NRG1: variants seen among roughly 807,000 people sequenced by gnomAD.
NRG1 encodes neuregulin 1.
NRG1 carries 18 observed loss-of-function variants against 63.8 expected under a neutral mutation model. The ratio of observed to expected loss-of-function variants is 0.28; its 90% CI spans 0.19 to 0.42. NRG1 has a LOEUF of 0.42. Ranked by LOEUF, NRG1 falls within the 10% of genes least tolerant of loss-of-function variation. The probability of loss-of-function intolerance (pLI) is 1.00; values close to 1 mark genes in which losing one functional copy is unlikely to be tolerated. For missense variants in NRG1, 762 were observed against 814.7 expected, an observed-to-expected ratio of 0.94 and a Z score of 0.79; for synonymous variants, 302 against 301.3, an observed-to-expected ratio of 1.00 and a Z score of -0.02.
At chr8:31,948,337 G>A (rs1476640572) in intron 1 of NRG1, among the ~76,000 whole-genome samples, 1 of 152,170 alleles carries the variant, frequency 6.6e-6, no homozygotes, top group African/African-American at 2.4e-5. Context: ...AAAATGGATA[G>A]GGGAGTTGTG....
At chr8:32,253,173 T>C (rs1586406430) in intron 1 of NRG1, among the ~76,000 whole-genome samples, 1 of 152,340 alleles carries the variant, frequency 6.6e-6, no homozygotes, top group East Asian at 1.9e-4. Flanking sequence ...TTTTCCAATT[T>C]GAATATACTT....
intron 1 of NRG1, among the ~76,000 whole-genome samples, chr8:32,465,003 C>T (rs1822877175): frequency 6.6e-6 from 1 of 152,012 alleles, no homozygotes; most frequent in Non-Finnish European, 1.5e-5. Context: ...GGTGAAAACC[C>T]GTCTCTACTA....
At chr8:31,767,132 T>A (rs1478381099) in intron 1 of NRG1, among the ~76,000 whole-genome samples, 2 of 152,200 alleles carry the variant, frequency 1.3e-5, no homozygotes, top group Non-Finnish European at 2.9e-5. Flanking sequence ...AAGAAAAGAA[T>A]GACATTCTTC....
intron 1 of NRG1, among the ~76,000 whole-genome samples, chr8:31,666,279 T>C (rs1013363176): frequency 1.3e-5 from 2 of 152,156 alleles, no homozygotes; most frequent in African/African-American, 2.4e-5. Context: ...TTATAAGCTT[T>C]GCATTAAAAA....
chr8:32,552,711 T>C (rs1446579042), intron 1 of NRG1, among the ~76,000 whole-genome samples: 1 of 152,170 alleles, frequency 6.6e-6, no homozygotes, highest in Non-Finnish European at 1.5e-5. Context: ...CAGAATGAAA[T>C]AGGACTTATT....
chr8:31,648,348 G>A (rs890462623), intron 1 of NRG1, among the ~76,000 whole-genome samples: 6 of 151,802 alleles, frequency 4.0e-5, no homozygotes, highest in Non-Finnish European at 7.4e-5. Flanking sequence ...TAGCCAGGAT[G>A]GTCTAGATCT....
intron 1 of NRG1, among the ~76,000 whole-genome samples, chr8:32,046,136 CTT>C (rs67819021): frequency 0.57 from 86,738 of 151,572 alleles, 25,448 homozygotes; most frequent in South Asian, 0.73. Context: ...GGGCAAAAGT[CTT>C]GAACAGATTG....
intron 1 of NRG1, among the ~76,000 whole-genome samples, chr8:32,045,507 A>C (rs952780586): frequency 2.0e-5 from 3 of 151,968 alleles, no homozygotes; most frequent in Non-Finnish European, 2.9e-5. Context: ...AAGGCAAAGG[A>C]ACTAGAACAG....
chr8:31,932,006 G>A (rs1244361309), intron 1 of NRG1, among the ~76,000 whole-genome samples: 1 of 152,166 alleles, frequency 6.6e-6, no homozygotes, highest in African/African-American at 2.4e-5. Flanking sequence ...CCAAAGAGAT[G>A]TGGCATTTAC....
At chr8:32,412,678 T>C (rs146007744) in intron 1 of NRG1, among the ~76,000 whole-genome samples, 90 of 151,896 alleles carry the variant, frequency 5.9e-4, no homozygotes, top group Non-Finnish European at 8.5e-4. Context: ...ATGGGATAGC[T>C]TGTTGCTCCC....
intron 1 of NRG1, among the ~76,000 whole-genome samples, chr8:31,975,624 T>C (rs537663420): frequency 6.6e-6 from 1 of 152,296 alleles, no homozygotes; most frequent in South Asian, 2.1e-4. Flanking sequence ...AAAACTAGAA[T>C]TCTCAGTCCT....
At position 31,842,974 on chromosome 8, in the gene NRG1, T is replaced by C. The variant is rs574871012; in HGVS notation, c.37+203543T>C. Reference sequence around the variant, plus strand: ...TGAGAAATGGCTTGAAGATAGAAAATTGTCTGTGTCTTAAAATAATCTTCT... The same window carrying C: ...TGAGAAATGGCTTGAAGATAGAAAACTGTCTGTGTCTTAAAATAATCTTCT... On this transcript the variant is annotated intron_variant, in intron 1 of 10. Transcript: ENST00000519301. Among the ~76,000 whole-genome samples, 8 of 152,234 alleles carry C rather than the reference T, an allele frequency of 5.3e-5. No homozygotes were observed. The East Asian group carries it at 1.2e-3, about 22-fold the overall frequency.
At chr8:32,668,728 T>A (rs1422608141) in intron 5 of NRG1, among the ~76,000 whole-genome samples, 2 of 152,216 alleles carry the variant, frequency 1.3e-5, no homozygotes, top group African/African-American at 4.8e-5. Flanking sequence ...ATTCCTATTG[T>A]TTTCAGCAAA....
chr8:32,647,364 T>A, intron 5 of NRG1: 3 of 985,334 alleles, frequency 3.0e-6, no homozygotes, highest in Non-Finnish European at 3.6e-6. Flanking sequence ...AAACATGCCT[T>A]TCAGTTTGGG....
At chr8:32,445,081 G>T (rs1182707463) in intron 1 of NRG1, among the ~76,000 whole-genome samples, 3 of 152,156 alleles carry the variant, frequency 2.0e-5, no homozygotes, top group Non-Finnish European at 4.4e-5. Flanking sequence ...CACTATAGTT[G>T]TTCCTCTGTA....
intron 1 of NRG1, among the ~76,000 whole-genome samples, chr8:32,473,357 G>C (rs965150579): frequency 6.6e-6 from 1 of 152,098 alleles, no homozygotes; most frequent in African/African-American, 2.4e-5. Context: ...TCTTTTCGAG[G>C]CTCTTCATTT....
intron 1 of NRG1, among the ~76,000 whole-genome samples, chr8:31,814,998 A>G (rs1231393514): frequency 2.0e-5 from 3 of 152,158 alleles, no homozygotes; most frequent in Non-Finnish European, 4.4e-5. Flanking sequence ...ACCCTGTCCT[A>G]GGCTAGTAGT....
chr8:31,816,912 G>T (rs1823501493), intron 1 of NRG1, among the ~76,000 whole-genome samples: 1 of 152,068 alleles, frequency 6.6e-6, no homozygotes, highest in Non-Finnish European at 1.5e-5. Flanking sequence ...TAGATGTTAT[G>T]AAAATTAAAT....
chr8:32,073,774 A>G (rs1586907900), intron 1 of NRG1, among the ~76,000 whole-genome samples: 1 of 152,314 alleles, frequency 6.6e-6, no homozygotes, highest in African/African-American at 2.4e-5. Flanking sequence ...TTGGTAAACA[A>G]TGCAGTTAGG....
Sources: gnomAD v4.1 joint callset for allele counts (sites outside exome capture counted in the v4.1 genomes callset) on GRCh38, gnomAD v4.1.1 for gene constraint, MANE v1.5 for transcripts, NCBI Gene and HGNC (gene_info 2026-07-23, HGNC 2026-07-21) for gene names.